UTY: variants seen among roughly 807,000 people sequenced by gnomAD.
The protein encoded by UTY is histone demethylase UTY.
Under a neutral mutation model 32.5 loss-of-function variants are expected in UTY, and 12 were observed. The observed-to-expected ratio is 0.37, with a 90% CI of 0.24 to 0.60. The LOEUF is 0.60. Ranked by LOEUF, UTY falls within the 20% of genes least tolerant of loss-of-function variation. The pLI, the probability that UTY is intolerant of heterozygous loss-of-function variation, is 0.69. For missense variants in UTY, 303 were observed against 299.2 expected (o/e 1.01, Z -0.09); for synonymous variants, 131 against 103.4 (o/e 1.27, Z -1.62).
At chrY:13,275,608 C>T in intron 27 of UTY, among the ~76,000 whole-genome samples, 2 of 33,881 alleles carry the variant, frequency 5.9e-5, no homozygotes, top group Non-Finnish European at 1.5e-4. Context: ...ATAAACGATG[C>T]CTGAGTGAAG....
chrY:13,276,818 C>T, intron 27 of UTY, among the ~76,000 whole-genome samples: 1 of 33,630 alleles, frequency 3.0e-5, no homozygotes, highest in South Asian at 6.7e-4. Context: ...AGAAACTTTA[C>T]AAACCAGAGA....
rs2061033688 is a variant in UTY at position 13,335,783 on chromosome Y, G to T, written c.2614C>A (p.Pro872Thr). 1 of 397,335 alleles carries T rather than the reference G, an allele frequency of 2.5e-6. No homozygotes were observed. The highest frequency in any genetic ancestry group is 7.6e-5 in the Admixed American group (1 of 13,231). The part of the protein sequence containing the change: ...SPSSAISTAT[P>T]SPKSTEQRSI... ...CTCTGCTCAGTGGATTTAGGAGAAG[G>T]TGTTGCTGTGGAAATGGCTGAAGAG... Residue 872 changes from proline (P) to threonine (T), a missense_variant, in exon 18 of 30, where the codon CCT (proline) becomes ACT (threonine). Physicochemically the swap from Pro to Thr is conservative, Grantham distance 38. Coordinates refer to ENST00000545955, the MANE Select transcript of UTY (RefSeq NM_001258249.2).
intron 27 of UTY, among the ~76,000 whole-genome samples, chrY:13,281,483 A>G: frequency 3.0e-5 from 1 of 33,621 alleles, no homozygotes; most frequent in Non-Finnish European, 7.4e-5. Flanking sequence ...CTGAGTGCAG[A>G]ATTAAAAAGA....
At chrY:13,390,458 T>A (rs2067420669) in intron 8 of UTY, among the ~76,000 whole-genome samples, 4 of 33,602 alleles carry the variant, frequency 1.2e-4, no homozygotes, top group Non-Finnish European at 3.0e-4. Context: ...TGAGACAACA[T>A]TGAGTTTTTG....
chrY:13,362,418 G>C, intron 10 of UTY, among the ~76,000 whole-genome samples: 1 of 33,744 alleles, frequency 3.0e-5, no homozygotes, highest in South Asian at 6.4e-4. Context: ...GACTCCAGGA[G>C]ACTATTTTAA....
chrY:13,308,702 A>T, intron 21 of UTY, among the ~76,000 whole-genome samples: 1 of 33,434 alleles, frequency 3.0e-5, no homozygotes, highest in Non-Finnish European at 7.4e-5. Flanking sequence ...ATGAGGGTAT[A>T]TGTTCCCACA....
intron 2 of UTY, among the ~76,000 whole-genome samples, chrY:13,475,694 A>C (rs748478594): frequency 1.9e-3 from 65 of 33,987 alleles, no homozygotes; most frequent in South Asian, 8.9e-3. Context: ...AATGTTCCCT[A>C]GTTATTTCAA....
At chrY:13,342,365 G>A (rs1217017815) in intron 17 of UTY, among the ~76,000 whole-genome samples, 1 of 33,847 alleles carries the variant, frequency 3.0e-5, no homozygotes, top group Non-Finnish European at 7.3e-5. Flanking sequence ...CAGACGGTAC[G>A]GGATTTGCAG....
At chrY:13,234,085 A>G, downstream of UTY, among the ~76,000 whole-genome samples, 1 of 34,133 alleles carries the variant, frequency 2.9e-5, no homozygotes, top group African/African-American at 1.1e-4. Flanking sequence ...GGCTTGCTCC[A>G]CCCACTCAGC....
At chrY:13,352,952 G>A in intron 17 of UTY, among the ~76,000 whole-genome samples, 1 of 34,085 alleles carries the variant, frequency 2.9e-5, no homozygotes, top group Non-Finnish European at 7.3e-5. Flanking sequence ...TCTGAAGCCA[G>A]TAGAAGTTGG....
chrY:13,470,329 A>G, intron 2 of UTY, 100 bp from the exon 3 acceptor site: 1 of 161,885 alleles, frequency 6.2e-6, no homozygotes, highest in Non-Finnish European at 1.1e-5. Flanking sequence ...GCAACCATAA[A>G]TGTATGTCAT....
intron 4 of UTY, among the ~76,000 whole-genome samples, chrY:13,427,857 C>T: frequency 3.0e-5 from 1 of 33,538 alleles, no homozygotes; most frequent in Non-Finnish European, 7.5e-5. Context: ...CCTTTTTTAA[C>T]ATGTACTTAC....
chrY:13,435,341 A>C, intron 4 of UTY, among the ~76,000 whole-genome samples: 1 of 33,165 alleles, frequency 3.0e-5, no homozygotes, highest in Non-Finnish European at 7.4e-5. Context: ...TCAACCTTCC[A>C]AGCTTATTGC....
intron 4 of UTY, among the ~76,000 whole-genome samples, chrY:13,444,311 A>G: frequency 3.0e-5 from 1 of 33,708 alleles, no homozygotes; most frequent in African/African-American, 1.2e-4. Flanking sequence ...AGAGACTATT[A>G]TGAACAACTA....
intron 18 of UTY, among the ~76,000 whole-genome samples, chrY:13,334,303 C>T: frequency 3.0e-5 from 1 of 32,859 alleles, no homozygotes; most frequent in African/African-American, 1.2e-4. Flanking sequence ...GACCCCAACA[C>T]GCAGCAAAAG....
intron 8 of UTY, among the ~76,000 whole-genome samples, chrY:13,379,082 G>A (rs2065715474): frequency 3.0e-5 from 1 of 33,057 alleles, no homozygotes; most frequent in African/African-American, 1.2e-4. Flanking sequence ...AGGCCGAGGC[G>A]GGGAGGATCA....
At chrY:13,292,720 G>A in intron 27 of UTY, among the ~76,000 whole-genome samples, 1 of 32,784 alleles carries the variant, frequency 3.1e-5, no homozygotes, top group Non-Finnish European at 7.5e-5. Context: ...GGCTTTGTGG[G>A]TGAATTCCAA....
chrY:13,313,262 G>A (rs2059301646), intron 21 of UTY, among the ~76,000 whole-genome samples: 2 of 33,826 alleles, frequency 5.9e-5, no homozygotes, highest in Non-Finnish European at 1.5e-4. Flanking sequence ...ATAAAGGCTG[G>A]AATGTAACAA....
In UTY at chrY:13,449,075, G is replaced by GA; in HGVS notation, c.326-10dup. ...CTGATATGCAGATAATGCTGGAAAA[G>GA]AAAAAATAATTATTAGCCAAATCAT... On this transcript the variant is annotated splice_polypyrimidine_tract_variant and intron_variant, in intron 3 of 29. Coordinates refer to ENST00000545955, the MANE Select transcript of UTY (RefSeq NM_001258249.2). 2.8e-6 allele frequency: 1 copy of GA among 357,959 alleles called. No homozygotes were observed. Among genetic ancestry groups the GA allele is most frequent in the African/African-American group, 6.6e-5 (1 of 15,156 alleles). 89.3% of individuals were successfully genotyped at this position (357,959 alleles called of 400,897 possible).
Sources: gnomAD v4.1 joint callset for allele counts (sites outside exome capture counted in the v4.1 genomes callset) on GRCh38, gnomAD v4.1.1 for gene constraint, MANE v1.5 for transcripts, NCBI Gene and HGNC (gene_info 2026-07-23, HGNC 2026-07-21) for gene names.